The following FBXO38 variants were observed in gnomAD, a reference collection of about 807,000 sequenced individuals.
The protein encoded by FBXO38 is F-box protein 38, also known as F-box only protein 38.
Under a neutral mutation model 131.9 loss-of-function variants are expected in FBXO38, and 53 were observed. That is an observed-to-expected ratio of 0.40 (90% CI 0.32 to 0.51). FBXO38 has a LOEUF of 0.51. Ranked by LOEUF, FBXO38 falls within the 20% of genes least tolerant of loss-of-function variation. FBXO38 has a pLI of 0.53. For missense variants in FBXO38, 1,076 were observed against 1,475.6 expected, an observed-to-expected ratio of 0.73 and a Z score of 4.44; for synonymous variants, 452 against 505.6, an observed-to-expected ratio of 0.89 and a Z score of 1.42.
chr5:148,400,114 ACTTT>A lies in FBXO38; in HGVS notation c.262+986_262+989del, dbSNP rs149866602. On this transcript the variant is annotated intron_variant, in intron 3 of 21. Coordinates refer to ENST00000340253, the MANE Select transcript of FBXO38 (RefSeq NM_205836.3). ...CTGGCCATAGTAGTTATCAATATATACTTTCTTATAAAGAACATTGCAAACACCT... is the reference window on the plus strand; with the variant it reads ...CTGGCCATAGTAGTTATCAATATATACTTATAAAGAACATTGCAAACACCT... 5.5e-3 allele frequency among the ~76,000 whole-genome samples: 840 copies of A among 152,054 alleles called. 32 individuals carry two copies. In the East Asian group the frequency reaches 0.1, roughly 19 times the overall value.
intron 9 of FBXO38, among the ~76,000 whole-genome samples, chr5:148,411,037 AC>A (rs1229041031): frequency 1.3e-5 from 2 of 152,142 alleles, no homozygotes; most frequent in Non-Finnish European, 2.9e-5. Context: ...TCTCCACTTT[AC>A]TGCCCAAGTT....
chr5:148,422,951 G>GGTTTGTTGGTTT (rs1753523477), intron 12 of FBXO38, among the ~76,000 whole-genome samples: 1 of 150,982 alleles, frequency 6.6e-6, no homozygotes, highest in Non-Finnish European at 1.5e-5. Flanking sequence ...ACAGATAACT[G>GGTTTGTTGGTTT]GTTTGTTTGT....
At chr5:148,438,293 A>T (rs752761648) in intron 17 of FBXO38, 39 bp from the exon 18 acceptor site, 2 of 1,594,398 alleles carry the variant, frequency 1.3e-6, no homozygotes, top group South Asian at 2.3e-5. Context: ...CTCTCCAAAG[A>T]TGATATGTAC....
chr5:148,431,289 A>G (rs1754031376), intron 15 of FBXO38, among the ~76,000 whole-genome samples: 1 of 152,256 alleles, frequency 6.6e-6, no homozygotes, highest in South Asian at 2.1e-4. Context: ...GGAGGGAGGC[A>G]TAAGAGAATA....
chr5:148,392,834 G>C (rs1758273234), intron 1 of FBXO38, among the ~76,000 whole-genome samples: 1 of 152,072 alleles, frequency 6.6e-6, no homozygotes, highest in Non-Finnish European at 1.5e-5. Context: ...CTGGAAAGAG[G>C]CTATTGGATT....
intron 2 of FBXO38, among the ~76,000 whole-genome samples, chr5:148,398,134 C>G (rs373335270): frequency 1.3e-5 from 2 of 151,988 alleles, no homozygotes; most frequent in African/African-American, 2.4e-5. Flanking sequence ...AGTTGTATGC[C>G]AAACAGGAAC....
chr5:148,436,416 T>C (rs1345144190), intron 17 of FBXO38, among the ~76,000 whole-genome samples: 1 of 152,224 alleles, frequency 6.6e-6, no homozygotes, highest in Non-Finnish European at 1.5e-5. Flanking sequence ...AGCACTAACA[T>C]GATGCTCAAA....
chr5:148,410,543 A>G, intron 8 of FBXO38, 92 bp from the exon 9 acceptor site: 13 of 1,439,674 alleles, frequency 9.0e-6, no homozygotes, highest in Non-Finnish European at 1.2e-5. Context: ...TGTCAGCAGC[A>G]TAGAAACGGA....
chr5:148,430,149 A>ATTTTT (rs11393577), intron 15 of FBXO38: 288 of 129,416 alleles, frequency 2.2e-3, no homozygotes, highest in African/African-American at 9.5e-3. Context: ...TATAATTATT[A>ATTTTT]TTATTATTAT....
intron 3 of FBXO38, among the ~76,000 whole-genome samples, chr5:148,400,649 G>A (rs1752091180): frequency 6.6e-6 from 1 of 152,088 alleles, no homozygotes; most frequent in African/African-American, 2.4e-5. Context: ...TTATATAATA[G>A]TACTTTATGG....
intron 9 of FBXO38, 160 bp downstream of exon 9, chr5:148,410,925 CAG>C (rs1561526532): frequency 9.5e-6 from 6 of 630,694 alleles, no homozygotes; most frequent in Non-Finnish European, 1.5e-5. Flanking sequence ...TTAGAAATGT[CAG>C]TGATTTTTTT....
At chr5:148,388,148 A>G (rs576014189) in intron 1 of FBXO38, among the ~76,000 whole-genome samples, 3 of 152,318 alleles carry the variant, frequency 2.0e-5, no homozygotes, top group East Asian at 1.9e-4. Flanking sequence ...TCCATTGTCA[A>G]TGAACAGTAA....
Position 148,394,873 on chromosome 5 carries a change from C to T in FBXO38, c.97C>T (p.Leu33Phe), listed in dbSNP as rs572118800. Residue 33 changes from leucine (L) to phenylalanine (F), a missense_variant, in exon 2 of 22, where the codon CTT becomes TTT. Physicochemically the swap from Leu to Phe is conservative, Grantham distance 22 (BLOSUM62 0). Transcript: ENST00000340253. ...ADETKDYMNQ[L>F]SHEVLCHIFR... is the part of the protein sequence containing the mutation. ...TGAAACAAAGGACTATATGAATCAA[C>T]TTTCACATGAAGTACTTTGCCATAT... The T allele has an allele frequency of 2.5e-6, 4 of 1,595,810 alleles. No homozygotes were observed. Among genetic ancestry groups the T allele is most frequent in the African/African-American group, 1.4e-5 (1 of 73,952 alleles).
At chr5:148,411,413 C>G (rs1267704976) in intron 9 of FBXO38, among the ~76,000 whole-genome samples, 2 of 152,154 alleles carry the variant, frequency 1.3e-5, no homozygotes, top group Admixed American at 1.3e-4. Flanking sequence ...CACCAACATG[C>G]TTTTATTTAT....
At position 148,416,017 on chromosome 5, in the gene FBXO38, T is replaced by C. The variant is rs1753032628; in HGVS notation, c.1354T>C (p.Leu452=). The C allele has an allele frequency of 6.2e-7, 1 of 1,613,048 alleles. No individual in the cohort carries two copies. The highest frequency in any genetic ancestry group is 8.5e-7 in the Non-Finnish European group (1 of 1,179,486). The change falls in exon 11 of 22, where the codon TTA becomes CTA. Residue 452 remains leucine (L), a synonymous_variant. Transcript: ENST00000340253. ...LDSFGQFIEL[L]PSLEFISLDQ... The stretch of plus-strand genomic sequence containing the variant: ...CTCTTTTGGCCAGTTTATTGAATTA[T>C]TACCCAGCCTAGAGTTTATTTCACT...
chr5:148,423,750 G>A (rs1753565960), intron 12 of FBXO38: 3 of 266,534 alleles, frequency 1.1e-5, no homozygotes, highest in Non-Finnish European at 2.1e-5. Flanking sequence ...GTTTGAGTTT[G>A]TATGAGTTTG....
At chr5:148,386,840 AATCT>A (rs1757938982) in intron 1 of FBXO38, among the ~76,000 whole-genome samples, 1 of 152,226 alleles carries the variant, frequency 6.6e-6, no homozygotes, top group African/African-American at 2.4e-5. Flanking sequence ...AATGTAGTAT[AATCT>A]ATCAAGTGTG....
intron 17 of FBXO38, 134 bp from the exon 18 acceptor site, chr5:148,438,198 T>A: frequency 1.4e-6 from 1 of 708,180 alleles, no homozygotes; most frequent in East Asian, 3.1e-5. Flanking sequence ...TTTTGTTAAC[T>A]GTGATTTGTA....
intron 16 of FBXO38, 22 bp from the exon 17 acceptor site, chr5:148,433,613 T>G (rs773655338): frequency 3.8e-6 from 6 of 1,565,936 alleles, no homozygotes; most frequent in Non-Finnish European, 5.2e-6. Context: ...CTTTATATAG[T>G]TTCTAATTTT....
Sources: allele counts gnomAD v4.1 joint callset (sites outside exome capture counted in the v4.1 genomes callset), GRCh38; gene constraint gnomAD v4.1.1; transcripts MANE v1.5; gene names NCBI Gene and HGNC (gene_info 2026-07-23, HGNC 2026-07-21).